The following RABGAP1L variants were observed in gnomAD, a reference collection of about 807,000 sequenced individuals.
The protein encoded by RABGAP1L is RAB GTPase activating protein 1 like.
In RABGAP1L, 63 loss-of-function variants were observed where a neutral mutation model predicts 137.7. The ratio of observed to expected loss-of-function variants is 0.46; its 90% CI spans 0.37 to 0.56. The LOEUF is 0.56. Among genes scored for constraint, RABGAP1L ranks in the 20% least tolerant of loss-of-function variants. The probability of loss-of-function intolerance (pLI) is 0.00; values close to 1 mark genes in which losing one functional copy is unlikely to be tolerated. For missense variants in RABGAP1L, 1,095 were observed against 1,244.0 expected, an observed-to-expected ratio of 0.88 and a Z score of 1.80; for synonymous variants, 431 against 433.7, an observed-to-expected ratio of 0.99 and a Z score of 0.08.
chr1:174,766,702 C>A (rs1282851519), intron 18 of RABGAP1L, among the ~76,000 whole-genome samples: 1 of 152,102 alleles, frequency 6.6e-6, no homozygotes, highest in Non-Finnish European at 1.5e-5. Flanking sequence ...TGAATGTAAA[C>A]CAAAAATGAA....
intron 14 of RABGAP1L, among the ~76,000 whole-genome samples, chr1:174,644,088 A>G (rs895190370): frequency 1.3e-4 from 20 of 152,018 alleles, no homozygotes; most frequent in African/African-American, 4.8e-4. Context: ...CCTCTTTAAT[A>G]TACGTATTAG....
At chr1:174,240,904 G>A (rs1203060014) in intron 4 of RABGAP1L, among the ~76,000 whole-genome samples, 1 of 150,876 alleles carries the variant, frequency 6.6e-6, no homozygotes, top group Admixed American at 6.6e-5. Flanking sequence ...GAAATTGTGA[G>A]AAGATAATAA....
At chr1:174,350,549 C>T (rs1263887631) in intron 11 of RABGAP1L, among the ~76,000 whole-genome samples, 5,526 of 122,244 alleles carry the variant, frequency 0.045, 32 homozygotes, top group African/African-American at 0.21. Context: ...TGGGAAGAGG[C>T]GCTCCTCACT....
intron 19 of RABGAP1L, among the ~76,000 whole-genome samples, chr1:174,946,562 T>G (rs1666796022): frequency 6.6e-6 from 1 of 152,016 alleles, no homozygotes; most frequent in Admixed American, 6.6e-5. Flanking sequence ...ATAAAACGGA[T>G]ATAGTAACAC....
chr1:174,350,864 G>A (rs1333039473), intron 11 of RABGAP1L, among the ~76,000 whole-genome samples: 4 of 96,128 alleles, frequency 4.2e-5, no homozygotes, highest in African/African-American at 8.4e-5. Context: ...CGAGGTTGGC[G>A]GATCACTCGC....
At chr1:174,788,485 C>A (rs1687622554) in intron 18 of RABGAP1L, among the ~76,000 whole-genome samples, 1 of 152,216 alleles carries the variant, frequency 6.6e-6, no homozygotes, top group Non-Finnish European at 1.5e-5. Context: ...CCGTAGCACA[C>A]CAGTCCAGGC....
chr1:174,756,550 A>G (rs758731556), intron 18 of RABGAP1L, among the ~76,000 whole-genome samples: 34 of 152,082 alleles, frequency 2.2e-4, no homozygotes, highest in Non-Finnish European at 3.7e-4. Flanking sequence ...AAGGAGCCAA[A>G]TGGTATCAAA....
chr1:174,251,186 C>G (rs1171845182), intron 6 of RABGAP1L, among the ~76,000 whole-genome samples: 1 of 152,120 alleles, frequency 6.6e-6, no homozygotes, highest in African/African-American at 2.4e-5. Context: ...AAACTACGAT[C>G]TTGTCAGCCA....
At chr1:174,560,809 A>G (rs1458189205) in intron 13 of RABGAP1L, among the ~76,000 whole-genome samples, 1 of 152,132 alleles carries the variant, frequency 6.6e-6, no homozygotes, top group Non-Finnish European at 1.5e-5. Context: ...AAGTGAGAAC[A>G]TGTGGTATTT....
At chr1:174,722,728 G>T (rs1681671874) in intron 17 of RABGAP1L, among the ~76,000 whole-genome samples, 1 of 152,130 alleles carries the variant, frequency 6.6e-6, no homozygotes, top group Non-Finnish European at 1.5e-5. Flanking sequence ...TGGGATTACA[G>T]GTGTGAGCCA....
Position 174,276,466 on chromosome 1 carries a change from T to C in RABGAP1L, c.1156+531T>C, listed in dbSNP as rs946733909. On this transcript the variant is annotated intron_variant, in intron 9 of 25. Transcript: ENST00000681986. The stretch of plus-strand genomic sequence containing the variant: ...GGCCTGAATTAATTTTATTAGATTA[T>C]AGAGAAAGCATTTGGGCTTTGTTTT... Among the ~76,000 whole-genome samples the C allele has an allele frequency of 7.9e-5, 12 of 152,278 alleles. No homozygotes were observed. In the South Asian group the frequency reaches 1.4e-3, roughly 18 times the overall value.
At chr1:174,630,119 G>C (rs532041326) in intron 13 of RABGAP1L, among the ~76,000 whole-genome samples, 1 of 151,536 alleles carries the variant, frequency 6.6e-6, no homozygotes, top group East Asian at 1.9e-4. Context: ...GTTGAATTTT[G>C]TCAAAGGCTT....
intron 18 of RABGAP1L, among the ~76,000 whole-genome samples, chr1:174,808,021 C>T (rs1689487607): frequency 1.3e-5 from 2 of 150,732 alleles, no homozygotes; most frequent in African/African-American, 4.9e-5. Context: ...CTGTATTGCC[C>T]AGGCTGGAGT....
At chr1:174,895,120 C>G (rs1656914267) in intron 19 of RABGAP1L, among the ~76,000 whole-genome samples, 1 of 151,886 alleles carries the variant, frequency 6.6e-6, no homozygotes, top group African/African-American at 2.4e-5. Context: ...CTTATCAGGT[C>G]AAAACATGGT....
chr1:174,729,302 C>T (rs1682263235), intron 17 of RABGAP1L, among the ~76,000 whole-genome samples: 1 of 152,188 alleles, frequency 6.6e-6, no homozygotes, highest in African/African-American at 2.4e-5. Context: ...GGACCCCTAC[C>T]TGTCACCATA....
At chr1:174,793,048 C>T (rs1351923369) in intron 18 of RABGAP1L, among the ~76,000 whole-genome samples, 2 of 152,104 alleles carry the variant, frequency 1.3e-5, no homozygotes, top group Non-Finnish European at 1.5e-5. Flanking sequence ...AGGAGAATCA[C>T]TTGAACTCAG....
intron 13 of RABGAP1L, among the ~76,000 whole-genome samples, chr1:174,507,006 G>A (rs1272717150): frequency 6.6e-6 from 1 of 152,146 alleles, no homozygotes; most frequent in Non-Finnish European, 1.5e-5. Context: ...AGCTACTTGG[G>A]GGGCTGAGGC....
intron 14 of RABGAP1L, among the ~76,000 whole-genome samples, chr1:174,670,766 G>A (rs1189075906): frequency 6.6e-6 from 1 of 152,104 alleles, no homozygotes; most frequent in Non-Finnish European, 1.5e-5. Context: ...TTGTTTATGT[G>A]TACCACATAT....
intron 12 of RABGAP1L, among the ~76,000 whole-genome samples, chr1:174,385,535 G>A (rs1387681615): frequency 2.0e-5 from 3 of 152,200 alleles, no homozygotes; most frequent in Non-Finnish European, 4.4e-5. Context: ...TGAAATGGGC[G>A]AGATTACTTA....
Sources: gnomAD v4.1 joint callset for allele counts (sites outside exome capture counted in the v4.1 genomes callset) on GRCh38, gnomAD v4.1.1 for gene constraint, MANE v1.5 for transcripts, NCBI Gene and HGNC (gene_info 2026-07-23, HGNC 2026-07-21) for gene names.